GON4L: variants seen among roughly 807,000 people sequenced by gnomAD.
GON4L encodes the protein GON-4-like protein.
GON4L carries 87 observed loss-of-function variants against 211.8 expected under a neutral mutation model. The observed-to-expected ratio is 0.41, with a 90% CI of 0.35 to 0.49. The LOEUF (loss-of-function observed/expected upper bound fraction) is 0.49, where lower values mean the gene tolerates loss of function less well. Among genes scored for constraint, GON4L ranks in the 20% least tolerant of loss-of-function variants. The pLI, the probability that GON4L is intolerant of heterozygous loss-of-function variation, is 0.15. For synonymous variants in GON4L, 875 were observed against 962.6 expected, an observed-to-expected ratio of 0.91 and a Z score of 1.68; for missense variants, 2,155 against 2,659.5, an observed-to-expected ratio of 0.81 and a Z score of 4.17.
At chr1:155,759,440 GGCGCAT>G (rs1661534626) in intron 24 of GON4L, among the ~76,000 whole-genome samples, 1 of 152,008 alleles carries the variant, frequency 6.6e-6, no homozygotes, top group Non-Finnish European at 1.5e-5. Flanking sequence ...GCGTGGTGGT[GGCGCAT>G]GCCTGTAATC....
chr1:155,766,980 A>C lies in GON4L; in HGVS notation c.2764-271T>G, dbSNP rs541112773. The C allele has an allele frequency of 3.0e-5, 17 of 557,644 alleles. No homozygotes were observed. The East Asian group carries it at 4.8e-4, about 16-fold the overall frequency. 34.5% of individuals were successfully genotyped at this position (557,644 alleles called of 1,614,324 possible). A position where few individuals can be genotyped will look rare whatever the true frequency, so the allele number is the denominator to read the frequency against. The stretch of plus-strand genomic sequence containing the variant: ...AGAATCACTTGAACCTGGGAGGCAG[A>C]GGTTGCGAGAAGCCGAGATCGCACC... On this transcript the variant is annotated intron_variant, in intron 20 of 31. Transcript: ENST00000368331.
At chr1:155,858,937 T>G (rs1257291256), upstream of GON4L, among the ~76,000 whole-genome samples, 1 of 152,070 alleles carries the variant, frequency 6.6e-6, no homozygotes, top group Non-Finnish European at 1.5e-5. Context: ...TCAAGTGATC[T>G]GCCCGCCTTG....
Position 155,773,088 on chromosome 1 carries a change from C to T in GON4L, c.2473G>A (p.Val825Ile), listed in dbSNP as rs771371878. ...TACTTGTCCTCAGCCTTGGTGAAGA[C>T]GATCTTATCCTGGGGATTCTTTGCC... ...LKAKNPQDKIVFTKAEDNLLA... is the reference protein window; with the variant it reads ...LKAKNPQDKIIFTKAEDNLLA... The change falls in exon 18 of 32, where the codon GTC (valine) becomes ATC (isoleucine). Residue 825 changes from valine (V) to isoleucine (I), a missense_variant. Val to Ile is a conservative substitution (Grantham distance 29). Transcript: ENST00000368331. 1.5e-5 allele frequency: 24 copies of T among 1,612,228 alleles called. No homozygotes were observed. The highest frequency in any genetic ancestry group is 3.3e-5 in the South Asian group (3 of 91,018).
chr1:155,833,996 T>G (rs900406740), intron 2 of GON4L, among the ~76,000 whole-genome samples: 5 of 152,028 alleles, frequency 3.3e-5, no homozygotes, highest in Non-Finnish European at 7.4e-5. Flanking sequence ...GGCTAATTTT[T>G]AAAATTTTCT....
intron 6 of GON4L, among the ~76,000 whole-genome samples, chr1:155,818,629 T>C (rs1050112215): frequency 1.3e-5 from 2 of 152,196 alleles, no homozygotes; most frequent in African/African-American, 4.8e-5. Context: ...GAGAAATATG[T>C]AATCTGGAAC....
intron 27 of GON4L, 160 bp downstream of exon 27, chr1:155,756,798 G>A (rs1661237941): frequency 3.3e-6 from 2 of 599,680 alleles, no homozygotes; most frequent in Non-Finnish European, 5.9e-6. Flanking sequence ...GGTGGCTGGC[G>A]CCTGTCTGTA....
chr1:155,762,051 T>C, intron 23 of GON4L, 139 bp downstream of exon 23: 1 of 638,220 alleles, frequency 1.6e-6, no homozygotes, highest in Non-Finnish European at 2.8e-6. Context: ...CAGAGATCTT[T>C]TGCCAGAAAA....
intron 8 of GON4L, among the ~76,000 whole-genome samples, chr1:155,815,039 G>C (rs147426545): frequency 6.6e-6 from 1 of 152,038 alleles, no homozygotes; most frequent in Non-Finnish European, 1.5e-5. Context: ...GCCTGAACCC[G>C]GGAGATGGAG....
chr1:155,831,353 G>A (rs1034866927), intron 2 of GON4L, among the ~76,000 whole-genome samples: 1 of 151,554 alleles, frequency 6.6e-6, no homozygotes, highest in Non-Finnish European at 1.5e-5. Flanking sequence ...GGGAGGCCAA[G>A]GCAGAAAGAT....
intron 2 of GON4L, among the ~76,000 whole-genome samples, chr1:155,839,854 G>A (rs1273737614): frequency 2.6e-5 from 4 of 152,116 alleles, no homozygotes; most frequent in Non-Finnish European, 5.9e-5. Context: ...GTATTGATTT[G>A]CTCTTAATGA....
At chr1:155,758,605 G>A (rs1661433180) in intron 24 of GON4L, among the ~76,000 whole-genome samples, 1 of 152,182 alleles carries the variant, frequency 6.6e-6, no homozygotes, top group African/African-American at 2.4e-5. Flanking sequence ...CAGGCCAGCT[G>A]TGGTGGCTGA....
At chr1:155,808,781 G>C (rs765818427) in intron 10 of GON4L, among the ~76,000 whole-genome samples, 1 of 151,846 alleles carries the variant, frequency 6.6e-6, no homozygotes, top group Non-Finnish European at 1.5e-5. Flanking sequence ...GCTAAGTTTT[G>C]TGTTTTTTTT....
upstream of GON4L, among the ~76,000 whole-genome samples, chr1:155,858,138 G>A (rs923328919): frequency 3.9e-5 from 6 of 152,150 alleles, no homozygotes; most frequent in African/African-American, 1.4e-4. Flanking sequence ...GGCTGCCTGG[G>A]GTGTAACAGA....
rs1669862895 is a variant in GON4L, at chr1:155,832,291, AAAAAAAAAAAAGAAAGAAAAAAAAAG to A, written c.506-5289_506-5264del. ...CAAGACTCCGTCTCAAAAAAAAAAA[AAAAAAAAAAAAGAAAGAAAAAAAAAG>A]AAAAAAGAAACATGATTTAACAATG... is the stretch of plus-strand genomic sequence containing the variant. On this transcript the variant is annotated intron_variant, in intron 2 of 31. Transcript: ENST00000368331. Among the ~76,000 whole-genome samples the A allele has an allele frequency of 2.0e-5, 3 of 151,238 alleles. No individual in the cohort carries two copies. In the South Asian group the frequency reaches 6.3e-4, roughly 32 times the overall value.
chr1:155,745,668 A>T (rs1660230341), downstream of GON4L, among the ~76,000 whole-genome samples: 1 of 151,918 alleles, frequency 6.6e-6, no homozygotes, highest in African/African-American at 2.4e-5. Context: ...GTCTAGGAAG[A>T]GGTAGGAAAG....
At chr1:155,748,638 T>G, downstream of GON4L, 1 of 1,613,332 alleles carries the variant, frequency 6.2e-7, no homozygotes, top group South Asian at 1.1e-5. Context: ...CCCTTTCCCC[T>G]TGGCTCCAGG....
At chr1:155,855,368 T>G (rs940619461) in intron 1 of GON4L, among the ~76,000 whole-genome samples, 1 of 152,186 alleles carries the variant, frequency 6.6e-6, no homozygotes, top group African/African-American at 2.4e-5. Context: ...TCTGGGTTTT[T>G]TTTTTTGAAA....
chr1:155,847,130 T>C (rs1380367338), intron 2 of GON4L, among the ~76,000 whole-genome samples: 2 of 152,250 alleles, frequency 1.3e-5, no homozygotes, highest in Non-Finnish European at 2.9e-5. Flanking sequence ...TCTGACTCCG[T>C]GAGTTGAACA....
intron 6 of GON4L, among the ~76,000 whole-genome samples, chr1:155,819,222 G>C (rs544686094): frequency 9.9e-5 from 15 of 151,980 alleles, no homozygotes; most frequent in Non-Finnish European, 2.1e-4. Context: ...AGAATCACTT[G>C]AGCTTGGGAG....
Sources: gnomAD v4.1 joint callset for allele counts (sites outside exome capture counted in the v4.1 genomes callset) on GRCh38, gnomAD v4.1.1 for gene constraint, MANE v1.5 for transcripts, NCBI Gene and HGNC (gene_info 2026-07-23, HGNC 2026-07-21) for gene names.